The following BTBD9 variants were observed in gnomAD, a reference collection of about 807,000 sequenced individuals.
BTBD9 encodes BTB/POZ domain-containing protein 9.
In BTBD9, 49 loss-of-function variants were observed where a neutral mutation model predicts 64.3. The observed-to-expected ratio is 0.76, with a 90% CI of 0.61 to 0.97. BTBD9 has a LOEUF of 0.97. Among genes scored for constraint, BTBD9 ranks in the 50% least tolerant of loss-of-function variants. BTBD9 has a pLI of 0.00. For synonymous variants in BTBD9, 260 were observed against 274.7 expected (o/e 0.95, Z 0.53); for missense variants, 598 against 762.1 (o/e 0.78, Z 2.53).
chr6:38,432,788 A>G (rs1019452040), intron 6 of BTBD9, among the ~76,000 whole-genome samples: 1 of 151,904 alleles, frequency 6.6e-6, no homozygotes, highest in Admixed American at 6.6e-5. Context: ...ATCGCCAATC[A>G]GCAGCATCCA....
At chr6:38,378,374 G>A (rs968335601) in intron 6 of BTBD9, among the ~76,000 whole-genome samples, 1 of 151,108 alleles carries the variant, frequency 6.6e-6, no homozygotes, top group Admixed American at 6.6e-5. Context: ...CTCCTTAGTA[G>A]CTGGGATTGC....
intron 1 of BTBD9, among the ~76,000 whole-genome samples, chr6:38,621,986 G>A (rs921324741): frequency 5.9e-5 from 9 of 152,188 alleles, no homozygotes; most frequent in African/African-American, 2.2e-4. Context: ...TTCTCCCCCT[G>A]GGGTGGTTAA....
chr6:38,541,581 A>G (rs566674979), intron 6 of BTBD9, among the ~76,000 whole-genome samples: 24 of 152,346 alleles, frequency 1.6e-4, no homozygotes, highest in South Asian at 6.2e-4. Flanking sequence ...TACTAAAAAT[A>G]CAAAAAATTA....
At chr6:38,213,291 T>C (rs1582059995) in intron 9 of BTBD9, among the ~76,000 whole-genome samples, 1 of 151,662 alleles carries the variant, frequency 6.6e-6, no homozygotes, top group Non-Finnish European at 1.5e-5. Flanking sequence ...AAAAATAGAC[T>C]CTCCCTCTCC....
chr6:38,401,388 T>C (rs1766921788), intron 6 of BTBD9, among the ~76,000 whole-genome samples: 1 of 152,224 alleles, frequency 6.6e-6, no homozygotes, highest in African/African-American at 2.4e-5. Context: ...CTTTCCTTTA[T>C]AAATTATCCA....
chr6:38,300,127 T>C (rs1004282733), intron 7 of BTBD9, among the ~76,000 whole-genome samples: 1 of 152,236 alleles, frequency 6.6e-6, no homozygotes. Flanking sequence ...CCTTTCCCCA[T>C]TGCTTGTCTT....
chr6:38,309,063 A>T (rs1214536290), intron 7 of BTBD9, among the ~76,000 whole-genome samples: 1 of 151,174 alleles, frequency 6.6e-6, no homozygotes, highest in Non-Finnish European at 1.5e-5. Flanking sequence ...GACATGCAAA[A>T]GGTTGTTTAA....
intron 7 of BTBD9, among the ~76,000 whole-genome samples, chr6:38,318,129 G>T (rs1763094740): frequency 6.6e-6 from 1 of 151,884 alleles, no homozygotes; most frequent in Non-Finnish European, 1.5e-5. Flanking sequence ...TCCTGACCTT[G>T]GGTGATCCAC....
chr6:38,510,130 TAAC>T (rs1318901864), intron 6 of BTBD9, among the ~76,000 whole-genome samples: 2 of 152,356 alleles, frequency 1.3e-5, no homozygotes, highest in East Asian at 1.9e-4. Flanking sequence ...CTGTCATGCT[TAAC>T]AACTGGGATA....
chr6:38,566,157 C>T (rs1264222289), intron 6 of BTBD9: 1 of 152,102 alleles, frequency 6.6e-6, no homozygotes, highest in Non-Finnish European at 1.5e-5. Context: ...TTCAAAACAG[C>T]ATATACTACA....
intron 6 of BTBD9, among the ~76,000 whole-genome samples, chr6:38,369,489 G>A (rs1186727354): frequency 7.9e-5 from 12 of 152,184 alleles, no homozygotes; most frequent in South Asian, 4.2e-4. Context: ...CACTCTAGAC[G>A]TTGTGCAGCT....
chr6:38,538,738 G>T (rs1774132936), intron 6 of BTBD9, among the ~76,000 whole-genome samples: 1 of 151,912 alleles, frequency 6.6e-6, no homozygotes, highest in African/African-American at 2.4e-5. Context: ...CTCCAGAGTA[G>T]CTGGGACTAC....
At chr6:38,248,897 G>A (rs1430597219) in intron 9 of BTBD9, among the ~76,000 whole-genome samples, 1 of 152,126 alleles carries the variant, frequency 6.6e-6, no homozygotes, top group Non-Finnish European at 1.5e-5. Flanking sequence ...AGGAGAACTG[G>A]GCAGATTTCC....
chr6:38,291,237 T>C (rs1015969254), intron 7 of BTBD9, among the ~76,000 whole-genome samples: 3 of 152,220 alleles, frequency 2.0e-5, no homozygotes, highest in African/African-American at 7.2e-5. Context: ...TTCCTAGGTA[T>C]TTTATTCTCT....
At chr6:38,260,999 G>C (rs1400364356) in intron 8 of BTBD9, among the ~76,000 whole-genome samples, 1 of 152,084 alleles carries the variant, frequency 6.6e-6, no homozygotes, top group Non-Finnish European at 1.5e-5. Flanking sequence ...GAATGCAGTG[G>C]CACAATCATA....
chr6:38,176,983 C>T (rs368438933), intron 10 of BTBD9, among the ~76,000 whole-genome samples: 5 of 152,324 alleles, frequency 3.3e-5, no homozygotes, highest in East Asian at 3.9e-4. Flanking sequence ...CCAGCAAATA[C>T]GCCTTCTCTT....
At chr6:38,595,561 A>AT (rs1776996741) in intron 2 of BTBD9, among the ~76,000 whole-genome samples, 1 of 152,234 alleles carries the variant, frequency 6.6e-6, no homozygotes, top group African/African-American at 2.4e-5. Context: ...AGAATACAGA[A>AT]TGAGAAAGAA....
intron 7 of BTBD9, among the ~76,000 whole-genome samples, chr6:38,300,157 C>G (rs1762329956): frequency 1.3e-5 from 2 of 152,108 alleles, no homozygotes; most frequent in African/African-American, 2.4e-5. Context: ...TGTCAAAGAT[C>G]AGATAGTTGT....
chr6:38,436,611 G>A (rs560423951), intron 6 of BTBD9, among the ~76,000 whole-genome samples: 1 of 151,308 alleles, frequency 6.6e-6, no homozygotes, highest in Non-Finnish European at 1.5e-5. Flanking sequence ...CCTGACCTCA[G>A]GTCATCCGCC....
Sources: gnomAD v4.1 joint callset for allele counts (sites outside exome capture counted in the v4.1 genomes callset) on GRCh38, gnomAD v4.1.1 for gene constraint, MANE v1.5 for transcripts, NCBI Gene and HGNC (gene_info 2026-07-23, HGNC 2026-07-21) for gene names.